MECOM: variants seen among roughly 807,000 people sequenced by gnomAD.
MECOM encodes the protein histone-lysine N-methyltransferase MECOM.
Under a neutral mutation model 116.3 loss-of-function variants are expected in MECOM, and 13 were observed. The ratio of observed to expected loss-of-function variants is 0.11; its 90% CI spans 0.07 to 0.18. The LOEUF (loss-of-function observed/expected upper bound fraction) is 0.18. Ranked by LOEUF, MECOM falls within the 10% of genes least tolerant of loss-of-function variation. The pLI, the probability that MECOM is intolerant of heterozygous loss-of-function variation, is 1.00. For synonymous variants in MECOM, 528 were observed against 535.2 expected, an observed-to-expected ratio of 0.99 and a Z score of 0.19; for missense variants, 1,299 against 1,509.0, an observed-to-expected ratio of 0.86 and a Z score of 2.31.
chr3:169,184,002 C>G (rs1177448924), intron 2 of MECOM, among the ~76,000 whole-genome samples: 1 of 151,676 alleles, frequency 6.6e-6, no homozygotes, highest in Non-Finnish European at 1.5e-5. Flanking sequence ...ATAGCTGGGA[C>G]TACAGGCACC....
At chr3:169,107,807 C>T in intron 10 of MECOM, 119 bp downstream of exon 10, 1 of 754,566 alleles carries the variant, frequency 1.3e-6, no homozygotes, top group Non-Finnish European at 2.2e-6. Context: ...CTGCTGGAAC[C>T]ATATCACGTA....
intron 1 of MECOM, among the ~76,000 whole-genome samples, chr3:169,559,893 T>A (rs947044723): frequency 6.6e-6 from 1 of 152,238 alleles, no homozygotes; most frequent in Non-Finnish European, 1.5e-5. Flanking sequence ...GTAAAGGAAC[T>A]TTTCGAATAT....
chr3:169,160,647 T>C (rs1214836854), intron 2 of MECOM, among the ~76,000 whole-genome samples: 2 of 150,608 alleles, frequency 1.3e-5, no homozygotes, highest in Non-Finnish European at 3.0e-5. Context: ...AATAATATAT[T>C]GTACATTTTG....
intron 2 of MECOM, among the ~76,000 whole-genome samples, chr3:169,276,552 CA>C (rs58452538): frequency 0.081 from 3,895 of 47,792 alleles, 87 homozygotes; most frequent in East Asian, 0.3. Context: ...GACTCTGCCT[CA>C]AAAAAAAAAA....
At chr3:169,530,927 G>A (rs1402262260) in intron 1 of MECOM, among the ~76,000 whole-genome samples, 4 of 151,910 alleles carry the variant, frequency 2.6e-5, no homozygotes, top group African/African-American at 4.8e-5. Flanking sequence ...CAAATAGAGG[G>A]AGTCATGTTT....
rs151107546 is a variant in MECOM, at chr3:169,571,074, T to C, written c.37+92262A>G. ...TGGTCTCTGTTTGCAGATGACAGAA[T>C]TGTATATTTAGAAAACCCCTTCATC... On this transcript the variant is annotated intron_variant, in intron 1 of 16. Coordinates refer to ENST00000651503, the MANE Select transcript of MECOM (RefSeq NM_004991.4). 3.9e-3 allele frequency among the ~76,000 whole-genome samples: 597 copies of C among 152,322 alleles called. 15 individuals carry two copies. In the East Asian group the frequency reaches 0.055, roughly 14 times the overall value.
intron 2 of MECOM, among the ~76,000 whole-genome samples, chr3:169,352,249 C>T (rs538032672): frequency 4.6e-5 from 7 of 151,916 alleles, no homozygotes; most frequent in African/African-American, 1.7e-4. Context: ...TAGAAGATCA[C>T]TGAGTTAGAT....
chr3:169,311,036 T>A (rs1718666683), intron 2 of MECOM, among the ~76,000 whole-genome samples: 1 of 152,226 alleles, frequency 6.6e-6, no homozygotes, highest in Non-Finnish European at 1.5e-5. Flanking sequence ...AAACAGGTAT[T>A]ACATTTTTGC....
At chr3:169,481,529 G>A (rs1172391945) in intron 1 of MECOM, among the ~76,000 whole-genome samples, 2 of 151,870 alleles carry the variant, frequency 1.3e-5, no homozygotes, top group Non-Finnish European at 2.9e-5. Context: ...CTCCAGCCTG[G>A]GTGACAGAGC....
chr3:169,458,226 A>G (rs1377303908), intron 1 of MECOM, among the ~76,000 whole-genome samples: 1 of 152,202 alleles, frequency 6.6e-6, no homozygotes, highest in Non-Finnish European at 1.5e-5. Context: ...TTCAACTGCT[A>G]AAGATGTAGT....
chr3:169,648,285 A>G (rs1774429723), intron 1 of MECOM, among the ~76,000 whole-genome samples: 1 of 152,230 alleles, frequency 6.6e-6, no homozygotes, highest in Non-Finnish European at 1.5e-5. Flanking sequence ...GACTGATATT[A>G]CCATAACTTG....
chr3:169,202,890 AG>A (rs1285376570), intron 2 of MECOM, among the ~76,000 whole-genome samples: 1 of 151,658 alleles, frequency 6.6e-6, no homozygotes, highest in Non-Finnish European at 1.5e-5. Context: ...CAGCTCCACC[AG>A]GCAAGCAGAT....
chr3:169,492,169 C>A (rs1237373883), intron 1 of MECOM, among the ~76,000 whole-genome samples: 1 of 152,118 alleles, frequency 6.6e-6, no homozygotes, highest in Admixed American at 6.6e-5. Context: ...AGAGAAGATG[C>A]ACAGTGTTGA....
chr3:169,097,109 A>G (rs1721747704), intron 12 of MECOM, among the ~76,000 whole-genome samples: 1 of 152,130 alleles, frequency 6.6e-6, no homozygotes, highest in Admixed American at 6.6e-5. Flanking sequence ...AAACCCTGTT[A>G]CAGTAAACGT....
At chr3:169,491,084 C>G (rs1753037800) in intron 1 of MECOM, among the ~76,000 whole-genome samples, 1 of 152,000 alleles carries the variant, frequency 6.6e-6, no homozygotes, top group Non-Finnish European at 1.5e-5. Context: ...TCTTAAACCC[C>G]TGGGCTCAAG....
chr3:169,411,982 C>T (rs116087635), intron 1 of MECOM, among the ~76,000 whole-genome samples: 1,622 of 151,626 alleles, frequency 0.011, 34 homozygotes, highest in African/African-American at 0.038. Context: ...AAGAGCAAGA[C>T]TTTATATAAA....
At chr3:169,600,351 A>G (rs1210761853) in intron 1 of MECOM, among the ~76,000 whole-genome samples, 2 of 152,218 alleles carry the variant, frequency 1.3e-5, no homozygotes, top group African/African-American at 4.8e-5. Context: ...TTAAAAAACT[A>G]AGCAAAAATA....
intron 1 of MECOM, among the ~76,000 whole-genome samples, chr3:169,437,687 C>T (rs1230284080): frequency 1.3e-5 from 2 of 152,114 alleles, no homozygotes; most frequent in South Asian, 2.1e-4. Context: ...AAATGAAAAG[C>T]GTAGATTTAT....
chr3:169,181,729 GTAGTTA>G (rs1489247292), intron 2 of MECOM, among the ~76,000 whole-genome samples: 2 of 152,160 alleles, frequency 1.3e-5, no homozygotes, highest in Non-Finnish European at 2.9e-5. Flanking sequence ...AACTTAAACT[GTAGTTA>G]TACCTGCATC....
Sources: allele counts gnomAD v4.1 joint callset (sites outside exome capture counted in the v4.1 genomes callset), GRCh38; gene constraint gnomAD v4.1.1; transcripts MANE v1.5; gene names NCBI Gene and HGNC (gene_info 2026-07-23, HGNC 2026-07-21).